The following PIGU variants were observed in gnomAD, a reference collection of about 807,000 sequenced individuals.
PIGU encodes phosphatidylinositol glycan anchor biosynthesis class U, also known as GPI-anchor transamidase component PIGU.
In PIGU, 24 loss-of-function variants were observed where a neutral mutation model predicts 49.9. That is an observed-to-expected ratio of 0.48 (90% CI 0.35 to 0.68). PIGU has a LOEUF of 0.68. PIGU is among the 30% of genes least tolerant of loss of function. The pLI, the probability that PIGU is intolerant of heterozygous loss-of-function variation, is 0.01. For synonymous variants in PIGU, 220 were observed against 205.7 expected (o/e 1.07, Z -0.59); for missense variants, 490 against 532.6 (o/e 0.92, Z 0.79).
chr20:34,629,768 G>A (rs1035294073), intron 6 of PIGU, among the ~76,000 whole-genome samples: 2 of 152,112 alleles, frequency 1.3e-5, no homozygotes, highest in African/African-American at 4.8e-5. Context: ...TGCTTACAGA[G>A]GAACTTTTAG....
At chr20:34,650,702 T>C (rs6120693) in intron 2 of PIGU, among the ~76,000 whole-genome samples, 16 of 24,894 alleles carry the variant, frequency 6.4e-4, no homozygotes, top group East Asian at 5.3e-3. Flanking sequence ...TTTTTTCTCT[T>C]TTTTTTTTTT....
At chr20:34,564,141 C>T (rs1245904112) in intron 11 of PIGU, among the ~76,000 whole-genome samples, 3 of 152,104 alleles carry the variant, frequency 2.0e-5, no homozygotes, top group African/African-American at 7.2e-5. Flanking sequence ...CGATGGGGTC[C>T]TGGTAGAGAA....
intron 2 of PIGU, among the ~76,000 whole-genome samples, chr20:34,646,312 A>G (rs1259645845): frequency 2.6e-5 from 4 of 152,196 alleles, no homozygotes. Flanking sequence ...TAAATTTTCA[A>G]GCTTACTGAC....
At chr20:34,668,483 A>AAAAAAAAAGG (rs1412365978) in intron 1 of PIGU, among the ~76,000 whole-genome samples, 1 of 88,714 alleles carries the variant, frequency 1.1e-5, no homozygotes, top group Non-Finnish European at 2.0e-5. Flanking sequence ...AAAAAAAAAA[A>AAAAAAAAAGG]GGGGGGGGCG....
chr20:34,652,220 G>T (rs1199192669), intron 2 of PIGU, among the ~76,000 whole-genome samples: 13 of 152,024 alleles, frequency 8.6e-5, no homozygotes, highest in Non-Finnish European at 1.3e-4. Flanking sequence ...GCCCAGGCTG[G>T]TCTTAAACTC....
At chr20:34,616,497 T>C (rs1600631544) in intron 6 of PIGU, among the ~76,000 whole-genome samples, 1 of 152,216 alleles carries the variant, frequency 6.6e-6, no homozygotes, top group Non-Finnish European at 1.5e-5. Context: ...TTATTAAGCC[T>C]ACAATTATTG....
rs1983664463 is a variant in PIGU at position 34,585,514 on chromosome 20, C to T, written c.849G>A (p.Glu283=). The T allele has an allele frequency of 6.2e-7, 1 of 1,613,126 alleles. No homozygotes were observed. Among genetic ancestry groups the T allele is most frequent in the Non-Finnish European group, 8.5e-7 (1 of 1,179,078 alleles). Residue 283 remains glutamate (E), a synonymous_variant, in exon 9 of 12, where the codon GAG becomes GAA. Transcript: ENST00000217446. The part of the protein sequence containing the change: ...LFWYFFAEMF[E]HFSLFFVCVF... ...CACATACAAAGAAGAGGCTGAAGTG[C>T]TCAAACATCTCTGCAAAGAAGTACC...
chr20:34,596,481 T>A (rs762473687), intron 7 of PIGU, among the ~76,000 whole-genome samples: 1 of 152,230 alleles, frequency 6.6e-6, no homozygotes, highest in South Asian at 2.1e-4. Flanking sequence ...TATGGTTATA[T>A]AAAATGTTAA....
intron 1 of PIGU, among the ~76,000 whole-genome samples, chr20:34,675,619 G>C (rs138777017): frequency 8.1e-4 from 124 of 152,288 alleles, no homozygotes; most frequent in Non-Finnish European, 1.4e-3. Context: ...GACTAAATGA[G>C]AAAAGGTATA....
chr20:34,565,111 A>G (rs1982688811), intron 11 of PIGU, among the ~76,000 whole-genome samples: 1 of 152,212 alleles, frequency 6.6e-6, no homozygotes, highest in Admixed American at 6.5e-5. Context: ...CAGTCTGGAC[A>G]GGGGCGAGTT....
chr20:34,610,290 G>A (rs561152788), intron 7 of PIGU, among the ~76,000 whole-genome samples: 3 of 152,176 alleles, frequency 2.0e-5, no homozygotes, highest in East Asian at 3.9e-4. Context: ...TGACATGAGT[G>A]TATATTTAGA....
intron 6 of PIGU, among the ~76,000 whole-genome samples, chr20:34,621,950 G>A (rs945399131): frequency 3.9e-5 from 6 of 152,146 alleles, no homozygotes; most frequent in Non-Finnish European, 8.8e-5. Context: ...ATGAGTAGGT[G>A]AGGCTGGGCA....
intron 1 of PIGU, among the ~76,000 whole-genome samples, chr20:34,675,784 G>A (rs1169450693): frequency 6.6e-6 from 1 of 152,038 alleles, no homozygotes; most frequent in African/African-American, 2.4e-5. Context: ...GAGGCCAAGT[G>A]AGACTGCTTG....
At chr20:34,561,497 T>G (rs140836483) in intron 11 of PIGU, among the ~76,000 whole-genome samples, 30 of 152,272 alleles carry the variant, frequency 2.0e-4, no homozygotes, top group African/African-American at 7.2e-4. Flanking sequence ...CCACAGTCAC[T>G]ACTCTGGACA....
intron 9 of PIGU, 94 bp from the exon 10 acceptor site, chr20:34,581,766 C>A: frequency 1.4e-6 from 2 of 1,448,424 alleles, no homozygotes; most frequent in East Asian, 2.3e-5. Context: ...CAAAAATAAT[C>A]CTCAGGGGAC....
chr20:34,642,337 G>A (rs2146768416), intron 4 of PIGU, among the ~76,000 whole-genome samples: 1 of 152,210 alleles, frequency 6.6e-6, no homozygotes, highest in East Asian at 1.9e-4. Flanking sequence ...AGTCTCCAGA[G>A]TAGCTGGGCC....
chr20:34,673,723 A>G (rs1987386871), intron 1 of PIGU, among the ~76,000 whole-genome samples: 1 of 152,208 alleles, frequency 6.6e-6, no homozygotes, highest in South Asian at 2.1e-4. Context: ...CAGGATACAT[A>G]ATTTCCTATT....
At chr20:34,663,090 A>G (rs1986977699) in intron 1 of PIGU, among the ~76,000 whole-genome samples, 1 of 152,054 alleles carries the variant, frequency 6.6e-6, no homozygotes, top group African/African-American at 2.4e-5. Flanking sequence ...TTTTTGGTAG[A>G]GACAGTGTCT....
intron 4 of PIGU, among the ~76,000 whole-genome samples, chr20:34,639,325 C>T (rs1171507685): frequency 3.9e-5 from 6 of 152,058 alleles, no homozygotes; most frequent in East Asian, 1.9e-4. Context: ...GGCGTGAACC[C>T]GGGAGGCGGA....
Sources: gnomAD v4.1 joint callset for allele counts (sites outside exome capture counted in the v4.1 genomes callset) on GRCh38, gnomAD v4.1.1 for gene constraint, MANE v1.5 for transcripts, NCBI Gene and HGNC (gene_info 2026-07-23, HGNC 2026-07-21) for gene names.